The following PIGN variants were observed in gnomAD, a reference collection of about 807,000 sequenced individuals.
The protein encoded by PIGN is GPI ethanolamine phosphate transferase 1.
Under a neutral mutation model 125.4 loss-of-function variants are expected in PIGN, and 117 were observed. The observed-to-expected ratio is 0.93, with a 90% CI of 0.80 to 1.09. PIGN has a LOEUF of 1.09. PIGN is among the 50% of genes least tolerant of loss of function. The pLI, the probability that PIGN is intolerant of heterozygous loss-of-function variation, is 0.00. For synonymous variants in PIGN, 392 were observed against 377.8 expected (o/e 1.04, Z -0.44); for missense variants, 1,075 against 1,094.9 (o/e 0.98, Z 0.26).
chr18:62,038,467 G>A (rs1227841580), downstream of PIGN, among the ~76,000 whole-genome samples: 1 of 152,152 alleles, frequency 6.6e-6, no homozygotes, highest in African/African-American at 2.4e-5. Flanking sequence ...GACTGGTCTT[G>A]TGTGGGTTGG....
intron 22 of PIGN, among the ~76,000 whole-genome samples, chr18:62,098,836 T>C (rs1044708470): frequency 7.2e-5 from 11 of 152,084 alleles, no homozygotes; most frequent in African/African-American, 2.7e-4. Flanking sequence ...TGGTGAACAA[T>C]AGCAGTAAAC....
rs371208005 is a variant in PIGN, at chr18:62,168,459, T to C, written c.-235-4803A>G. On this transcript the variant is annotated intron_variant, in intron 1 of 30. Transcript: ENST00000640252. ...TTGCTCCATCCCAGCCTTGCCTCTG[T>C]GCTTTGTCCTTTTTCTCTGTATATA... is the stretch of plus-strand genomic sequence containing the variant. Among the ~76,000 whole-genome samples the C allele has an allele frequency of 3.4e-4, 52 of 152,314 alleles. 1 individual carries two copies. The East Asian group carries it at 7.5e-3, about 22-fold the overall frequency.
chr18:62,065,100 T>C (rs2032427985), intron 30 of PIGN, among the ~76,000 whole-genome samples: 1 of 152,030 alleles, frequency 6.6e-6, no homozygotes. Flanking sequence ...CTAAAAGGCG[T>C]TTTCTTTTTC....
At chr18:62,025,391 A>G (rs1210372109) in intron 23 of PIGN, among the ~76,000 whole-genome samples, 1 of 152,170 alleles carries the variant, frequency 6.6e-6, no homozygotes, top group Non-Finnish European at 1.5e-5. Flanking sequence ...ACTTAGAGAT[A>G]ATAGGTGTTT....
chr18:62,109,927 A>G lies in PIGN; in HGVS notation c.1481T>C (p.Leu494Ser). The part of the protein sequence containing the change: ...LPCSFVAIGI[L>S]VAFFLLIQAC... ...TTGAATCAGCAGAAAAAATGCTACT[A>G]AAATGCCAATAGCTACAAAACTACA... is the stretch of plus-strand genomic sequence containing the variant. Residue 494 changes from leucine (L) to serine (S), a missense_variant, in exon 17 of 31, where the codon TTA (leucine) becomes TCA (serine). Leu to Ser is a moderately radical substitution (Grantham distance 145, BLOSUM62 -2). Around this residue, in one of 3 missense-constraint regions of PIGN, gnomAD observed 915 missense variants for 908.7 expected, o/e 1.01. Transcript: ENST00000640252. 5 of 1,613,362 alleles carry G rather than the reference A, an allele frequency of 3.1e-6. No homozygotes were observed. The highest frequency in any genetic ancestry group is 4.2e-6 in the Non-Finnish European group (5 of 1,179,448).
At chr18:62,032,493 T>C (rs946143199) in intron 23 of PIGN, among the ~76,000 whole-genome samples, 1 of 152,214 alleles carries the variant, frequency 6.6e-6, no homozygotes, top group African/African-American at 2.4e-5. Flanking sequence ...CAGGAGCATG[T>C]TTTCCTAAGT....
chr18:62,090,003 A>G (rs1310065587), intron 24 of PIGN, among the ~76,000 whole-genome samples: 1 of 152,186 alleles, frequency 6.6e-6, no homozygotes, highest in African/African-American at 2.4e-5. Flanking sequence ...GGCCACAATC[A>G]TTAAGGCAGC....
At chr18:62,104,618 G>A (rs1394016619) in intron 20 of PIGN, among the ~76,000 whole-genome samples, 1 of 151,998 alleles carries the variant, frequency 6.6e-6, no homozygotes, top group Non-Finnish European at 1.5e-5. Flanking sequence ...ATATTTCCTG[G>A]TCTATTGCAT....
intron 30 of PIGN, chr18:62,070,255 G>C: frequency 2.5e-6 from 1 of 395,168 alleles, no homozygotes; most frequent in Non-Finnish European, 4.5e-6. Flanking sequence ...CCCATGCTCT[G>C]GCCACTATCC....
chr18:62,178,839 G>A (rs1599701234), intron 1 of PIGN, among the ~76,000 whole-genome samples: 1 of 152,090 alleles, frequency 6.6e-6, no homozygotes. Flanking sequence ...GTAGACTAGA[G>A]GTTATTAGTT....
At chr18:62,119,049 T>C (rs2035197420) in intron 14 of PIGN, among the ~76,000 whole-genome samples, 1 of 152,040 alleles carries the variant, frequency 6.6e-6, no homozygotes, top group African/African-American at 2.4e-5. Context: ...TTCTAGATAC[T>C]ACAAGGTCTG....
At chr18:62,166,808 A>G (rs1425014602) in intron 1 of PIGN, among the ~76,000 whole-genome samples, 5 of 152,220 alleles carry the variant, frequency 3.3e-5, no homozygotes, top group Admixed American at 3.3e-4. Context: ...CAGGAACACA[A>G]AAACAAATAC....
chr18:62,124,769 C>T lies in PIGN; in HGVS notation c.1173-10130G>A, dbSNP rs1340376305. On this transcript the variant is annotated intron_variant, in intron 14 of 30. Transcript: ENST00000640252. ...GTTGTGTTTCCTTTCAATGTGTGTG[C>T]ATGGGAAAACAGGCAAAATTTATTT... 2.0e-5 allele frequency among the ~76,000 whole-genome samples: 3 copies of T among 152,094 alleles called. No individual in the cohort carries two copies. The East Asian group carries it at 5.8e-4, about 29-fold the overall frequency.
Position 62,041,705 on chromosome 18 carries a change from GT to G in PIGN, c.*4150del, listed in dbSNP as rs1443040378. 5.1e-5 allele frequency: 7 copies of G among 137,210 alleles called. No individual in the cohort carries two copies. The highest frequency in any genetic ancestry group is 1.9e-4 in the African/African-American group (7 of 35,930). The allele number at this position is 137,210 out of a possible 1,614,324, so 8.5% of individuals were successfully genotyped here. On this transcript the variant is annotated 3_prime_UTR_variant, in exon 31 of 31. Coordinates refer to ENST00000640252, the MANE Select transcript of PIGN (RefSeq NM_176787.5). ...TGTGTGTGTGTGTGTGTGTGTGTGT[GT>G]TTAGTAGAGATGGGGTTTTGCCATC... is the stretch of plus-strand genomic sequence containing the variant.
intron 1 of PIGN, among the ~76,000 whole-genome samples, chr18:62,184,175 C>A (rs1835906906): frequency 6.6e-6 from 1 of 152,114 alleles, no homozygotes; most frequent in Non-Finnish European, 1.5e-5. Context: ...CTCAAGTCAA[C>A]CAAAACTTGC....
rs138837997 is a variant in PIGN, at chr18:62,131,500, C to A, written c.1172+6743G>T. Among the ~76,000 whole-genome samples the A allele has an allele frequency of 2.6e-3, 395 of 152,244 alleles. 2 individuals carry two copies. The highest frequency in any genetic ancestry group is 8.9e-3 in the African/African-American group (371 of 41,546). The stretch of plus-strand genomic sequence containing the variant: ...TTATGCCTCTCCTGGTCATGTAGCT[C>A]CACCTGCTGGTCATCCTTCAGCATA... On this transcript the variant is annotated intron_variant, in intron 14 of 30. Coordinates refer to ENST00000640252, the MANE Select transcript of PIGN (RefSeq NM_176787.5).
At chr18:62,140,177 T>A (rs1399936627) in intron 12 of PIGN, among the ~76,000 whole-genome samples, 3 of 152,040 alleles carry the variant, frequency 2.0e-5, no homozygotes, top group Non-Finnish European at 1.5e-5. Flanking sequence ...TATATAGTTT[T>A]AAATGTAATC....
At chr18:62,122,673 C>T (rs1478831860) in intron 14 of PIGN, among the ~76,000 whole-genome samples, 1 of 152,096 alleles carries the variant, frequency 6.6e-6, no homozygotes, top group Non-Finnish European at 1.5e-5. Flanking sequence ...ATAAAAAAGA[C>T]CCTGATTAGT....
Position 62,157,809 on chromosome 18 carries a change from C to T in PIGN, c.222-1G>A. 1 of 1,608,130 alleles carries T rather than the reference C, an allele frequency of 6.2e-7. No individual in the cohort carries two copies. The highest frequency in any genetic ancestry group is 1.1e-5 in the South Asian group (1 of 89,950). On this transcript the variant is annotated splice_acceptor_variant, in intron 4 of 30. Coordinates refer to ENST00000640252, the MANE Select transcript of PIGN (RefSeq NM_176787.5). LOFTEE classifies it high-confidence loss of function. ...GCTGCCTTCATGCATTATGATATTC[C>T]TAAAAGATATTAAAGACAAATAGTT...
Sources: gnomAD v4.1 joint callset for allele counts (sites outside exome capture counted in the v4.1 genomes callset) on GRCh38, gnomAD v4.1.1 for gene constraint, gnomAD v4.1.1 regional missense constraint, MANE v1.5 for transcripts, NCBI Gene and HGNC (gene_info 2026-07-23, HGNC 2026-07-21) for gene names.